SKAP1: variants seen among roughly 807,000 people sequenced by gnomAD.
The protein encoded by SKAP1 is src kinase-associated phosphoprotein 1.
SKAP1 carries 44 observed loss-of-function variants against 58.5 expected under a neutral mutation model. The ratio of observed to expected loss-of-function variants is 0.75; its 90% CI spans 0.59 to 0.97. The LOEUF is 0.97. Among genes scored for constraint, SKAP1 ranks in the 50% least tolerant of loss-of-function variants. SKAP1 has a pLI of 0.00. For synonymous variants in SKAP1, 127 were observed against 149.7 expected (o/e 0.85, Z 1.11); for missense variants, 390 against 435.2 (o/e 0.90, Z 0.92).
intron 1 of SKAP1, among the ~76,000 whole-genome samples, chr17:48,410,096 G>C (rs78353564): frequency 0.022 from 3,390 of 152,242 alleles, 115 homozygotes; most frequent in African/African-American, 0.075. Flanking sequence ...GTTTGCCATG[G>C]GTGTATGGGT....
In SKAP1 at chr17:48,182,248, T is replaced by C. The variant is rs1025656893; in HGVS notation, c.631+146A>G. 4 of 643,152 alleles carry C rather than the reference T, an allele frequency of 6.2e-6. No homozygotes were observed. In the Admixed American group the frequency reaches 1.0e-4, roughly 17 times the overall value. 39.8% of individuals were successfully genotyped at this position (643,152 alleles called of 1,614,324 possible). A position where few individuals can be genotyped will look rare whatever the true frequency, so the allele number is the denominator to read the frequency against. On this transcript the variant is annotated intron_variant, in intron 8 of 12. Transcript: ENST00000336915. ...TCTCATTCACACATAGTACTATTTG[T>C]TGTTGTAATATGGGGAATGTGGTAG... is the stretch of plus-strand genomic sequence containing the variant.
chr17:48,179,858 A>C (rs999343858), intron 9 of SKAP1, among the ~76,000 whole-genome samples, 196 bp downstream of exon 9: 1 of 152,196 alleles, frequency 6.6e-6, no homozygotes, highest in Non-Finnish European at 1.5e-5. Context: ...TCATTAATCA[A>C]ATTCTTCTTG....
chr17:48,339,344 T>C (rs1235485702), intron 4 of SKAP1, among the ~76,000 whole-genome samples: 1 of 152,214 alleles, frequency 6.6e-6, no homozygotes, highest in African/African-American at 2.4e-5. Context: ...ACAGACTTAT[T>C]TATGGAAAGA....
At chr17:48,369,431 C>G (rs1187161773) in intron 2 of SKAP1, among the ~76,000 whole-genome samples, 1 of 148,352 alleles carries the variant, frequency 6.7e-6, no homozygotes, top group Non-Finnish European at 1.5e-5. Context: ...GTTGAGGCTA[C>G]AGTGAGCCAT....
intron 4 of SKAP1, among the ~76,000 whole-genome samples, chr17:48,276,088 A>G (rs1598499546): frequency 6.6e-6 from 1 of 152,114 alleles, no homozygotes; most frequent in South Asian, 2.1e-4. Flanking sequence ...ATAAAGCCTA[A>G]CTATCAACCG....
chr17:48,374,243 G>A (rs1206957799), intron 2 of SKAP1, among the ~76,000 whole-genome samples: 1 of 135,702 alleles, frequency 7.4e-6, no homozygotes, highest in African/African-American at 2.8e-5. Flanking sequence ...GTTTCACCAT[G>A]TTGCCCAGAC....
At chr17:48,416,997 T>C (rs922299064) in intron 1 of SKAP1, among the ~76,000 whole-genome samples, 2 of 152,256 alleles carry the variant, frequency 1.3e-5, no homozygotes, top group Non-Finnish European at 2.9e-5. Context: ...ACTTTCAGTT[T>C]GTCTAGAACA....
intron 4 of SKAP1, chr17:48,307,533 A>G (rs1035931795): frequency 1.3e-5 from 2 of 152,238 alleles, no homozygotes; most frequent in Admixed American, 6.5e-5. Context: ...TGTACAATTT[A>G]TTTCAATTTA....
chr17:48,154,476 C>G (rs549173955), intron 11 of SKAP1, among the ~76,000 whole-genome samples: 27 of 152,134 alleles, frequency 1.8e-4, no homozygotes, highest in Non-Finnish European at 3.2e-4. Flanking sequence ...AAATCTTATG[C>G]GTACCCAACT....
At chr17:48,353,847 G>A (rs1312253191) in intron 3 of SKAP1, among the ~76,000 whole-genome samples, 6 of 149,084 alleles carry the variant, frequency 4.0e-5, no homozygotes, top group South Asian at 4.2e-4. Context: ...GCAGTGAGCC[G>A]AGATCGCGCC....
At chr17:48,183,230 T>A (rs1332376187) in intron 7 of SKAP1, among the ~76,000 whole-genome samples, 1 of 152,162 alleles carries the variant, frequency 6.6e-6, no homozygotes, top group Non-Finnish European at 1.5e-5. Context: ...GAAGACCAAC[T>A]GGTCCTCTGG....
chr17:48,436,058 T>C, the SKAP1 span, among the ~76,000 whole-genome samples: 1 of 152,298 alleles, frequency 6.6e-6, no homozygotes, highest in East Asian at 1.9e-4. Flanking sequence ...TTCATTTTTT[T>C]TCTTTCTAAA....
intron 4 of SKAP1, among the ~76,000 whole-genome samples, chr17:48,297,263 G>T (rs1424403604): frequency 6.6e-6 from 1 of 152,068 alleles, no homozygotes; most frequent in African/African-American, 2.4e-5. Context: ...CACAAATTTT[G>T]CTAAAAGTAA....
At chr17:48,307,671 A>G (rs964566235) in intron 4 of SKAP1, 6 of 152,260 alleles carry the variant, frequency 3.9e-5, no homozygotes, top group African/African-American at 1.4e-4. Context: ...AAATTTAAAA[A>G]TATGTCTCTG....
intron 4 of SKAP1, among the ~76,000 whole-genome samples, chr17:48,205,454 A>G (rs1046714605): frequency 1.3e-5 from 2 of 152,168 alleles, no homozygotes; most frequent in Non-Finnish European, 2.9e-5. Context: ...AAAGGAAACC[A>G]GAAAAGATAA....
At chr17:48,145,415 C>T (rs550522548) in intron 11 of SKAP1, among the ~76,000 whole-genome samples, 2 of 29,964 alleles carry the variant, frequency 6.7e-5, no homozygotes. Context: ...TCTCCATCAA[C>T]AAGGAAAAAA....
intron 4 of SKAP1, among the ~76,000 whole-genome samples, chr17:48,335,615 G>C (rs965466433): frequency 6.6e-6 from 1 of 151,994 alleles, no homozygotes; most frequent in Non-Finnish European, 1.5e-5. Flanking sequence ...TAAAATAATT[G>C]TAAAACTGGT....
At chr17:48,365,818 G>GT (rs1359566889) in intron 2 of SKAP1, among the ~76,000 whole-genome samples, 2 of 145,286 alleles carry the variant, frequency 1.4e-5, no homozygotes, top group Non-Finnish European at 3.0e-5. Context: ...GGAGTCCACA[G>GT]TTTTTTATAG....
At chr17:48,186,896 G>T (rs2064461299) in intron 6 of SKAP1, among the ~76,000 whole-genome samples, 1 of 152,170 alleles carries the variant, frequency 6.6e-6, no homozygotes, top group South Asian at 2.1e-4. Flanking sequence ...GTTTGAGGAA[G>T]GAGAAACAGA....
Sources: gnomAD v4.1 joint callset for allele counts (sites outside exome capture counted in the v4.1 genomes callset) on GRCh38, gnomAD v4.1.1 for gene constraint, MANE v1.5 for transcripts, NCBI Gene and HGNC (gene_info 2026-07-23, HGNC 2026-07-21) for gene names.